Variants in SLC26A7 observed in about 807,000 individuals in gnomAD.
The protein encoded by SLC26A7 is anion exchange transporter.
SLC26A7 carries 59 observed loss-of-function variants against 82.5 expected under a neutral mutation model. The ratio of observed to expected loss-of-function variants is 0.72; its 90% CI spans 0.58 to 0.89. The LOEUF is 0.89. Among genes scored for constraint, SLC26A7 ranks in the 40% least tolerant of loss-of-function variants. The pLI is 0.00. For missense variants in SLC26A7, 820 were observed against 793.0 expected (o/e 1.03, Z -0.41); for synonymous variants, 271 against 274.3 (o/e 0.99, Z 0.12).
At chr8:91,384,845 A>C (rs929886742) in intron 15 of SLC26A7, among the ~76,000 whole-genome samples, 1 of 152,184 alleles carries the variant, frequency 6.6e-6, no homozygotes, top group Non-Finnish European at 1.5e-5. Flanking sequence ...TTCCAAAGGC[A>C]ATGCTGTGGT....
At chr8:91,298,735 A>T (rs1342450305) in intron 4 of SLC26A7, among the ~76,000 whole-genome samples, 1 of 152,174 alleles carries the variant, frequency 6.6e-6, no homozygotes, top group Non-Finnish European at 1.5e-5. Context: ...GGACTGTAAA[A>T]GAAAGGCACA....
rs751318591 is a variant in SLC26A7 at position 91,250,027 on chromosome 8, T to G, written c.193+183T>G. Reference sequence around the variant, plus strand: ...CTAATTGTCTTTTTTCCTCTGTATTTTGATAGCTATTAAGCATTGAATAAA... The same window carrying G: ...CTAATTGTCTTTTTTCCTCTGTATTGTGATAGCTATTAAGCATTGAATAAA... On this transcript the variant is annotated intron_variant, in intron 2 of 18. Coordinates refer to ENST00000276609, the MANE Select transcript of SLC26A7 (RefSeq NM_052832.4). Among the ~76,000 whole-genome samples, 20 of 152,174 alleles carry G rather than the reference T, an allele frequency of 1.3e-4. 1 individual carries two copies. The highest frequency in any genetic ancestry group is 2.6e-4 in the Admixed American group (4 of 15,262).
chr8:91,315,861 T>A (rs2130804804), intron 4 of SLC26A7, among the ~76,000 whole-genome samples: 1 of 152,316 alleles, frequency 6.6e-6, no homozygotes, highest in East Asian at 1.9e-4. Context: ...TTTTACAGGT[T>A]TCGAATACCT....
At chr8:91,336,110 G>A (rs1357365389) in intron 6 of SLC26A7, among the ~76,000 whole-genome samples, 1 of 152,190 alleles carries the variant, frequency 6.6e-6, no homozygotes, top group Non-Finnish European at 1.5e-5. Context: ...GGACATTTGG[G>A]CAGGAAATGT....
intron 2 of SLC26A7, among the ~76,000 whole-genome samples, chr8:91,273,138 A>G (rs1811316532): frequency 6.6e-6 from 1 of 152,036 alleles, no homozygotes; most frequent in Admixed American, 6.5e-5. Context: ...AAACAAAACA[A>G]CCAGTGTTTG....
At chr8:91,276,419 T>C (rs191499458) in intron 2 of SLC26A7, among the ~76,000 whole-genome samples, 195 of 152,352 alleles carry the variant, frequency 1.3e-3, no homozygotes, top group Non-Finnish European at 1.9e-3. Flanking sequence ...ATTTTTAGTG[T>C]GGCGCTATGA....
intron 4 of SLC26A7, among the ~76,000 whole-genome samples, chr8:91,306,076 T>C (rs1204633908): frequency 6.6e-6 from 1 of 152,224 alleles, no homozygotes; most frequent in Admixed American, 6.5e-5. Flanking sequence ...AATGTCTTGC[T>C]TTATTTTCTG....
chr8:91,232,306 C>G (rs564665256), intron 2 of SLC26A7, among the ~76,000 whole-genome samples: 187 of 152,136 alleles, frequency 1.2e-3, no homozygotes, highest in African/African-American at 4.3e-3. Context: ...AATGAGAATT[C>G]TAATACACTA....
intron 2 of SLC26A7, among the ~76,000 whole-genome samples, chr8:91,264,747 A>C (rs1442874117): frequency 2.6e-5 from 4 of 151,946 alleles, no homozygotes; most frequent in African/African-American, 9.7e-5. Flanking sequence ...ACTTGCCAAA[A>C]ATTTTTTTTT....
In SLC26A7 at chr8:91,346,747, C is replaced by T. The variant is rs1813574209; in HGVS notation, c.1140+3281C>T. On this transcript the variant is annotated intron_variant, in intron 9 of 18. Transcript: ENST00000276609. ...CTTAGAATTCAGACATTTCTGCTGT[C>T]TACCAGGCGCTGAGTGCGTCCTGGC... 3.3e-5 allele frequency among the ~76,000 whole-genome samples: 5 copies of T among 152,200 alleles called. No homozygotes were observed. In the South Asian group the frequency reaches 1.0e-3, roughly 32 times the overall value.
At chr8:91,217,662 G>A (rs1263011896) in intron 1 of SLC26A7, among the ~76,000 whole-genome samples, 2 of 152,176 alleles carry the variant, frequency 1.3e-5, no homozygotes, top group Non-Finnish European at 2.9e-5. Context: ...CCCAGCATAT[G>A]CACTGAGATT....
chr8:91,334,175 C>A, intron 5 of SLC26A7, 120 bp from the exon 6 acceptor site: 1 of 923,050 alleles, frequency 1.1e-6, no homozygotes, highest in Non-Finnish European at 1.6e-6. Flanking sequence ...TATATCTTTC[C>A]TCTCCCTAGC....
At chr8:91,266,889 T>C (rs1811127273) in intron 2 of SLC26A7, among the ~76,000 whole-genome samples, 1 of 151,988 alleles carries the variant, frequency 6.6e-6, no homozygotes, top group South Asian at 2.1e-4. Flanking sequence ...ATATATGGCC[T>C]TTATTGTGTT....
At chr8:91,355,661 AG>A (rs929093244) in intron 11 of SLC26A7, among the ~76,000 whole-genome samples, 43 of 151,140 alleles carry the variant, frequency 2.8e-4, no homozygotes, top group African/African-American at 1.0e-3. Context: ...TTTATATTTA[AG>A]GTTTTTTTTC....
At chr8:91,323,662 A>G (rs1586409695) in intron 5 of SLC26A7, among the ~76,000 whole-genome samples, 1 of 152,172 alleles carries the variant, frequency 6.6e-6, no homozygotes, top group Non-Finnish European at 1.5e-5. Context: ...TTCCAACTGT[A>G]TCATATAGTT....
intron 15 of SLC26A7, among the ~76,000 whole-genome samples, chr8:91,378,235 C>G (rs971134442): frequency 6.6e-6 from 1 of 151,108 alleles, no homozygotes; most frequent in African/African-American, 2.4e-5. Context: ...CACTGAGGTC[C>G]AAATCATTAC....
At chr8:91,279,071 T>C (rs2130747689) in intron 2 of SLC26A7, among the ~76,000 whole-genome samples, 1 of 148,076 alleles carries the variant, frequency 6.8e-6, no homozygotes, top group Non-Finnish European at 1.5e-5. Flanking sequence ...TCACAAATGA[T>C]AGGATCCCCT....
intron 2 of SLC26A7, among the ~76,000 whole-genome samples, chr8:91,251,802 G>T (rs537580297): frequency 1.3e-5 from 2 of 152,176 alleles, no homozygotes; most frequent in African/African-American, 4.8e-5. Flanking sequence ...TCACTTTATA[G>T]TCTACACTGC....
At chr8:91,214,504 G>T (rs1810002293) in intron 1 of SLC26A7, among the ~76,000 whole-genome samples, 1 of 152,072 alleles carries the variant, frequency 6.6e-6, no homozygotes, top group African/African-American at 2.4e-5. Flanking sequence ...AAGAGCCTGG[G>T]AATCATACAA....
Sources: allele counts gnomAD v4.1 joint callset (sites outside exome capture counted in the v4.1 genomes callset), GRCh38; gene constraint gnomAD v4.1.1; transcripts MANE v1.5; gene names NCBI Gene and HGNC (gene_info 2026-07-23, HGNC 2026-07-21).